GALNT14: variants seen among roughly 807,000 people sequenced by gnomAD.
GALNT14 encodes UDP-GalNAc:polypeptide N-acetylgalactosaminyltransferase 14.
A neutral mutation model predicts 77.5 loss-of-function variants in GALNT14; 60 were observed. The ratio of observed to expected loss-of-function variants is 0.77; its 90% CI spans 0.63 to 0.96. The LOEUF (loss-of-function observed/expected upper bound fraction) is 0.96. Ranked by LOEUF, GALNT14 falls within the 40% of genes least tolerant of loss-of-function variation. The pLI is 0.00. For synonymous variants in GALNT14, 280 were observed against 281.7 expected (o/e 0.99, Z 0.06); for missense variants, 710 against 731.0 (o/e 0.97, Z 0.33).
intron 1 of GALNT14, among the ~76,000 whole-genome samples, chr2:31,096,845 C>T (rs776594310): frequency 9.2e-5 from 14 of 152,136 alleles, no homozygotes; most frequent in Non-Finnish European, 1.3e-4. Context: ...CACATCACAA[C>T]TCATCTAAGT....
chr2:31,074,807 G>C (rs1355994167), intron 1 of GALNT14, among the ~76,000 whole-genome samples: 4 of 152,142 alleles, frequency 2.6e-5, no homozygotes. Flanking sequence ...CCAGACTTAA[G>C]AGGTAGAGAC....
intron 13 of GALNT14, among the ~76,000 whole-genome samples, chr2:30,923,910 G>T (rs911965630): frequency 2.0e-5 from 3 of 152,320 alleles, no homozygotes; most frequent in African/African-American, 7.2e-5. Flanking sequence ...CTATTAAACT[G>T]TCTTTCAGAG....
chr2:31,045,728 G>T (rs1673411347), intron 1 of GALNT14, among the ~76,000 whole-genome samples: 1 of 152,138 alleles, frequency 6.6e-6, no homozygotes, highest in African/African-American at 2.4e-5. Context: ...CTCCCAAAGT[G>T]CTGGGATTAC....
chr2:30,952,757 T>C (rs1297550959), intron 6 of GALNT14, among the ~76,000 whole-genome samples: 1 of 133,448 alleles, frequency 7.5e-6, no homozygotes, highest in Non-Finnish European at 1.6e-5. Context: ...ACTTAAAGCA[T>C]AATAAAAAAA....
chr2:30,906,384 C>CA (rs1166693852), downstream of GALNT14, among the ~76,000 whole-genome samples: 11 of 147,314 alleles, frequency 7.5e-5, no homozygotes, highest in East Asian at 7.9e-4. Flanking sequence ...AAATGGAAAA[C>CA]AAAAAAAAGG....
chr2:31,041,154 C>A (rs966584444), intron 1 of GALNT14, among the ~76,000 whole-genome samples: 1 of 152,016 alleles, frequency 6.6e-6, no homozygotes, highest in Non-Finnish European at 1.5e-5. Flanking sequence ...CAGCCATTGG[C>A]ACATTTTTAT....
chr2:30,962,835 G>T (rs562007626), intron 3 of GALNT14, among the ~76,000 whole-genome samples: 22 of 152,276 alleles, frequency 1.4e-4, no homozygotes, highest in Admixed American at 1.2e-3. Flanking sequence ...TCCCTTTATT[G>T]AAGACCTCTG....
At chr2:31,134,116 G>C (rs1015410399) in intron 1 of GALNT14, among the ~76,000 whole-genome samples, 2 of 152,216 alleles carry the variant, frequency 1.3e-5, no homozygotes, top group Non-Finnish European at 2.9e-5. Flanking sequence ...GAGGAAAAGA[G>C]AACAAGGGCC....
chr2:31,030,541 C>CA (rs1190248658), intron 1 of GALNT14, among the ~76,000 whole-genome samples: 1 of 152,100 alleles, frequency 6.6e-6, no homozygotes, highest in Non-Finnish European at 1.5e-5. Flanking sequence ...CTACATAAAG[C>CA]AAAAAAGTGG....
At chr2:30,941,277 C>G (rs778498928) in intron 9 of GALNT14, among the ~76,000 whole-genome samples, 3 of 152,188 alleles carry the variant, frequency 2.0e-5, no homozygotes, top group Non-Finnish European at 4.4e-5. Context: ...GGCCTCCTAC[C>G]TGGCAGCCAC....
chr2:30,901,558 A>G, the GALNT14 span, among the ~76,000 whole-genome samples: 1 of 151,802 alleles, frequency 6.6e-6, no homozygotes, highest in African/African-American at 2.4e-5. Flanking sequence ...GAGTATGTAT[A>G]TGCTCATATA....
intron 1 of GALNT14, among the ~76,000 whole-genome samples, chr2:31,004,246 G>T (rs1670537817): frequency 2.6e-5 from 4 of 152,194 alleles, no homozygotes; most frequent in Admixed American, 2.6e-4. Flanking sequence ...AGGAGGCAGG[G>T]AGCCAGGTAT....
At chr2:31,116,653 A>G (rs1678120033) in intron 1 of GALNT14, among the ~76,000 whole-genome samples, 1 of 152,212 alleles carries the variant, frequency 6.6e-6, no homozygotes, top group African/African-American at 2.4e-5. Context: ...CAGATCCAGT[A>G]GCTCAAAAAA....
intron 1 of GALNT14, among the ~76,000 whole-genome samples, chr2:31,076,235 C>T (rs1675776845): frequency 6.6e-6 from 1 of 152,202 alleles, no homozygotes; most frequent in Non-Finnish European, 1.5e-5. Context: ...CCACACAATA[C>T]AATCCTTCTA....
At chr2:31,045,412 T>C (rs1673378105) in intron 1 of GALNT14, among the ~76,000 whole-genome samples, 1 of 152,156 alleles carries the variant, frequency 6.6e-6, no homozygotes, top group Non-Finnish European at 1.5e-5. Context: ...GGACAAAAGA[T>C]AAGGATGGAC....
At chr2:31,008,168 A>G (rs1180910809) in intron 1 of GALNT14, among the ~76,000 whole-genome samples, 1 of 152,138 alleles carries the variant, frequency 6.6e-6, no homozygotes, top group Non-Finnish European at 1.5e-5. Context: ...TGCTGCAGCC[A>G]CAAACTCCTG....
chr2:31,050,461 C>G (rs1448677261), intron 1 of GALNT14, among the ~76,000 whole-genome samples: 1 of 151,914 alleles, frequency 6.6e-6, no homozygotes, highest in Non-Finnish European at 1.5e-5. Flanking sequence ...TAAAAAGGGG[C>G]GGAGTGAGAA....
In GALNT14 at chr2:31,025,955, C is replaced by T. The variant is rs186227687; in HGVS notation, c.130-32948G>A. On this transcript the variant is annotated intron_variant, in intron 1 of 14. Coordinates refer to ENST00000349752, the MANE Select transcript of GALNT14 (RefSeq NM_024572.4). ...GGCCTTCGGCAGATTGGATGAGGCC[C>T]GTCTACATTATGAAGAGTAACCTGC... Among the ~76,000 whole-genome samples, 35 of 152,190 alleles carry T rather than the reference C, an allele frequency of 2.3e-4. 1 individual carries two copies. The highest frequency in any genetic ancestry group is 7.5e-4 in the African/African-American group (31 of 41,536).
At chr2:31,062,060 T>C (rs1477205782) in intron 1 of GALNT14, among the ~76,000 whole-genome samples, 1 of 152,246 alleles carries the variant, frequency 6.6e-6, no homozygotes, top group African/African-American at 2.4e-5. Context: ...ATTTTTTTTA[T>C]TTTACTTTAA....
Sources: allele counts gnomAD v4.1 joint callset (sites outside exome capture counted in the v4.1 genomes callset), GRCh38; gene constraint gnomAD v4.1.1; transcripts MANE v1.5; gene names NCBI Gene and HGNC (gene_info 2026-07-23, HGNC 2026-07-21).